Variants in FANCA observed in about 807,000 individuals in gnomAD.
FANCA encodes FA complementation group A.
Under a neutral mutation model 194.3 loss-of-function variants are expected in FANCA, and 236 were observed. The observed-to-expected ratio is 1.21, with a 90% CI of 1.09 to 1.35. FANCA has a LOEUF of 1.35. FANCA is among the 40% of genes most tolerant of loss of function. FANCA has a pLI of 0.00. For synonymous variants in FANCA, 1,014 were observed against 715.8 expected (o/e 1.42, Z -6.65); for missense variants, 2,628 against 1,813.9 (o/e 1.45, Z -8.15).
intron 32 of FANCA, 121 bp from the exon 33 acceptor site, chr16:89,748,888 A>G: frequency 1.3e-6 from 1 of 798,126 alleles, no homozygotes; most frequent in Non-Finnish European, 2.1e-6. Flanking sequence ...TTGGAACCAG[A>G]GCCTTGGCCT....
At chr16:89,782,975 G>C in intron 16 of FANCA, 32 bp downstream of exon 16, 1 of 1,611,308 alleles carries the variant, frequency 6.2e-7, no homozygotes, top group East Asian at 2.2e-5. Flanking sequence ...GCTGGGACAG[G>C]TGTGAGGAGT....
At chr16:89,774,134 T>C (rs1246013197) in intron 21 of FANCA, among the ~76,000 whole-genome samples, 1 of 152,144 alleles carries the variant, frequency 6.6e-6, no homozygotes, top group Non-Finnish European at 1.5e-5. Context: ...CTTCAAGTTC[T>C]GGGGTTGCTG....
intron 26 of FANCA, 112 bp downstream of exon 26, chr16:89,769,725 G>A (rs924065697): frequency 3.1e-5 from 38 of 1,241,068 alleles, no homozygotes; most frequent in Non-Finnish European, 4.3e-5. Context: ...CTAAAAAGTG[G>A]TTATCTTTGG....
chr16:89,762,576 A>G (rs1290574496), intron 28 of FANCA: 1 of 222,792 alleles, frequency 4.5e-6, no homozygotes, highest in African/African-American at 2.4e-5. Context: ...AAGGAAAAAA[A>G]AAAAAAAGAA....
At chr16:89,771,895 C>T (rs951430965) in intron 22 of FANCA, 81 bp from the exon 23 acceptor site, 25 of 1,517,550 alleles carry the variant, frequency 1.6e-5, no homozygotes, top group Middle Eastern at 2.3e-4. Context: ...CTCCGCCTCC[C>T]GTCAAGTACG....
intron 21 of FANCA, among the ~76,000 whole-genome samples, chr16:89,775,269 G>C (rs2143388485): frequency 6.6e-6 from 1 of 152,256 alleles, no homozygotes; most frequent in East Asian, 1.9e-4. Flanking sequence ...TTCCCAATGA[G>C]GGCGTAGGTC....
intron 5 of FANCA, among the ~76,000 whole-genome samples, chr16:89,809,722 G>A (rs1021765644): frequency 2.6e-5 from 4 of 151,802 alleles, no homozygotes; most frequent in South Asian, 2.1e-4. Flanking sequence ...GCATGGTGGC[G>A]CATGCCTGTA....
rs757550124 is a variant in FANCA, at chr16:89,739,110, G to T, written c.4167+23C>A. ...CCGGCTGGGGGGAGCTCCCCTGGAG[G>T]TGGGACTGGCCCTTGCACCTGCCTG... On this transcript the variant is annotated intron_variant, in intron 41 of 42. Coordinates refer to ENST00000389301, the MANE Select transcript of FANCA (RefSeq NM_000135.4). 1.9e-6 allele frequency: 3 copies of T among 1,614,006 alleles called. 1 individual carries two copies. The highest frequency in any genetic ancestry group is 2.5e-6 in the Non-Finnish European group (3 of 1,179,950).
intron 23 of FANCA, among the ~76,000 whole-genome samples, 180 bp from the exon 24 acceptor site, chr16:89,770,814 C>T (rs770323765): frequency 6.6e-6 from 1 of 152,204 alleles, no homozygotes; most frequent in African/African-American, 2.4e-5. Flanking sequence ...ATTCCCCAAT[C>T]TTGGGAATAG....
chr16:89,814,083 G>A (rs966271970), intron 3 of FANCA, among the ~76,000 whole-genome samples: 5 of 152,138 alleles, frequency 3.3e-5, no homozygotes, highest in African/African-American at 7.2e-5. Flanking sequence ...ATCACATAAG[G>A]ACGTGAAGGA....
chr16:89,774,081 A>G (rs553702729), intron 21 of FANCA, among the ~76,000 whole-genome samples: 1 of 152,170 alleles, frequency 6.6e-6, no homozygotes, highest in African/African-American at 2.4e-5. Flanking sequence ...CACTTTCAAT[A>G]TAAAAAGGAA....
intron 30 of FANCA, among the ~76,000 whole-genome samples, chr16:89,754,075 A>G (rs936556489): frequency 6.6e-6 from 1 of 151,872 alleles, no homozygotes; most frequent in African/African-American, 2.4e-5. Context: ...AACAAAAATT[A>G]GCTGGGCATG....
intron 31 of FANCA, among the ~76,000 whole-genome samples, chr16:89,751,932 G>T (rs3743861): frequency 4.0e-5 from 6 of 151,714 alleles, no homozygotes; most frequent in South Asian, 2.1e-4. Flanking sequence ...CACCACGCCC[G>T]GCTAAATTTT....
chr16:89,799,050 A>G (rs781191483), intron 10 of FANCA, 116 bp downstream of exon 10: 9 of 1,614,240 alleles, frequency 5.6e-6, no homozygotes, highest in South Asian at 5.5e-5. Flanking sequence ...CTGGCAGAGG[A>G]AGTGTGCTCA....
At chr16:89,754,118 A>G (rs2038689751) in intron 30 of FANCA, among the ~76,000 whole-genome samples, 1 of 151,986 alleles carries the variant, frequency 6.6e-6, no homozygotes, top group Non-Finnish European at 1.5e-5. Context: ...GCTACTCGGG[A>G]GGCTGAGGCA....
rs150330232 is a variant in FANCA at position 89,764,913 on chromosome 16, C to T, written c.2755G>A (p.Val919Met). The change falls in exon 28 of 43, where the codon GTG becomes ATG. Residue 919 changes from valine (V) to methionine (M), a missense_variant. By Grantham distance (21) the Val-to-Met change is conservative. Coordinates refer to ENST00000389301, the MANE Select transcript of FANCA (RefSeq NM_000135.4). Reference protein sequence around the residue: ...SLWTHRTFREVLKEEDVHLTY... With the variant: ...SLWTHRTFREMLKEEDVHLTY... Reference sequence around the variant, plus strand: ...ACGTGAACATCTTCCTCTTTCAACACCTCTCGGAAGGTTCTGTGTGTCCAG... The same window carrying T: ...ACGTGAACATCTTCCTCTTTCAACATCTCTCGGAAGGTTCTGTGTGTCCAG... 7 of 1,614,026 alleles carry T rather than the reference C, an allele frequency of 4.3e-6. No homozygotes were observed. The African/African-American group carries it at 9.3e-5, about 22-fold the overall frequency.
chr16:89,782,844 C>G lies in FANCA; in HGVS notation c.1626+15G>C, dbSNP rs886038246. ...CGTGACTGGCTGAGACCCTGCAGGG[C>G]TCAAGCAACATTACCTCAGTAATGT... On this transcript the variant is annotated intron_variant, in intron 17 of 42. Transcript: ENST00000389301. 1 of 1,611,730 alleles carries G rather than the reference C, an allele frequency of 6.2e-7. No individual in the cohort carries two copies. Among genetic ancestry groups the G allele is most frequent in the Non-Finnish European group, 8.5e-7 (1 of 1,177,862 alleles).
Position 89,737,792 on chromosome 16 carries a change from C to G in FANCA, c.*809G>C. On this transcript the variant is annotated 3_prime_UTR_variant, in exon 43 of 43. Transcript: ENST00000389301. ...GCATCAGGGGCCTGGACTCACTGGA[C>G]TCTCCCCTCTCAGAGGTGCGGAACT... is the stretch of plus-strand genomic sequence containing the variant. 1 of 1,614,130 alleles carries G rather than the reference C, an allele frequency of 6.2e-7. No homozygotes were observed. The highest frequency in any genetic ancestry group is 8.5e-7 in the Non-Finnish European group (1 of 1,180,026).
chr16:89,740,480 C>A, intron 38 of FANCA: 1 of 462,492 alleles, frequency 2.2e-6, no homozygotes. Context: ...ACTAAAAATA[C>A]AAAAATTAGC....
Sources: allele counts gnomAD v4.1 joint callset (sites outside exome capture counted in the v4.1 genomes callset), GRCh38; gene constraint gnomAD v4.1.1; transcripts MANE v1.5; gene names NCBI Gene and HGNC (gene_info 2026-07-23, HGNC 2026-07-21).